VIPR2: variants seen among roughly 807,000 people sequenced by gnomAD.
The protein encoded by VIPR2 is vasoactive intestinal peptide receptor 2.
VIPR2 carries 48 observed loss-of-function variants against 58.0 expected under a neutral mutation model. That is an observed-to-expected ratio of 0.83 (90% CI 0.66 to 1.05). The LOEUF (loss-of-function observed/expected upper bound fraction) is 1.05. Among genes scored for constraint, VIPR2 ranks in the 50% least tolerant of loss-of-function variants. VIPR2 has a pLI of 0.00. For synonymous variants in VIPR2, 243 were observed against 235.2 expected, an observed-to-expected ratio of 1.03 and a Z score of -0.30; for missense variants, 534 against 558.0, an observed-to-expected ratio of 0.96 and a Z score of 0.43.
At chr7:159,101,973 G>A (rs554522026) in intron 4 of VIPR2, among the ~76,000 whole-genome samples, 47 of 143,550 alleles carry the variant, frequency 3.3e-4, no homozygotes, top group African/African-American at 1.2e-3. Context: ...AGGTGGTTCC[G>A]ACTGTTCCTG....
intron 1 of VIPR2, among the ~76,000 whole-genome samples, chr7:159,143,342 C>G (rs973655149): frequency 3.9e-5 from 6 of 152,206 alleles, no homozygotes; most frequent in Non-Finnish European, 7.3e-5. Flanking sequence ...GGGCTCCCCC[C>G]ACCCATCCTT....
chr7:159,122,160 A>G (rs1008899098), intron 2 of VIPR2, among the ~76,000 whole-genome samples: 7 of 152,254 alleles, frequency 4.6e-5, no homozygotes, highest in Non-Finnish European at 8.8e-5. Context: ...ATAGGAGGTC[A>G]AGGGACATGA....
At position 159,036,610 on chromosome 7, in the gene VIPR2, C is replaced by A. The variant is rs1222259655; in HGVS notation, c.748+142G>T. 6 of 1,098,078 alleles carry A rather than the reference C, an allele frequency of 5.5e-6. No homozygotes were observed. In the African/African-American group the frequency reaches 7.9e-5, roughly 15 times the overall value. The allele number at this position is 1,098,078 out of a possible 1,614,324, so 68.0% of individuals were successfully genotyped here. A position where few individuals can be genotyped will look rare whatever the true frequency, so the allele number is the denominator to read the frequency against. ...TGTGTTGTTTGTAGGAGCCTCCAGT[C>A]ATCCTGGAAGAGCTCTTCATGATAT... On this transcript the variant is annotated intron_variant, in intron 7 of 12. Transcript: ENST00000262178.
chr7:159,139,447 G>A (rs182594368), intron 2 of VIPR2, among the ~76,000 whole-genome samples: 2 of 152,300 alleles, frequency 1.3e-5, no homozygotes, highest in African/African-American at 4.8e-5. Flanking sequence ...CTTGTCTCTG[G>A]CCCAGCATCT....
intron 2 of VIPR2, among the ~76,000 whole-genome samples, chr7:159,114,236 T>C (rs1330843302): frequency 6.6e-6 from 1 of 151,940 alleles, no homozygotes; most frequent in African/African-American, 2.4e-5. Flanking sequence ...AGGCAGCAAG[T>C]CCTTCTGTAG....
rs141518309 is a variant in VIPR2 at position 159,085,273 on chromosome 7, C to T, written c.357+18484G>A. ...ATTGAGTCTCACTGCTCCGTTCCCACAACACGGATGAGGCGGGTGGAGGGT... is the reference window on the plus strand; with the variant it reads ...ATTGAGTCTCACTGCTCCGTTCCCATAACACGGATGAGGCGGGTGGAGGGT... On this transcript the variant is annotated intron_variant, in intron 4 of 12. Transcript: ENST00000262178. Among the ~76,000 whole-genome samples, 143 of 152,292 alleles carry T rather than the reference C, an allele frequency of 9.4e-4. 1 individual carries two copies. The highest frequency in any genetic ancestry group is 3.2e-3 in the African/African-American group (135 of 41,566).
intron 3 of VIPR2, 149 bp downstream of exon 3, chr7:159,109,663 C>A: frequency 2.8e-6 from 2 of 706,226 alleles, no homozygotes. Flanking sequence ...GACGGGCACT[C>A]ACCCCAATAT....
chr7:159,116,903 ATG>A, intron 2 of VIPR2: 2 of 167,780 alleles, frequency 1.2e-5, no homozygotes, highest in Admixed American at 5.9e-5. Context: ...GCTCTTACAG[ATG>A]ACGTTATAGG....
chr7:159,030,957 G>A (rs1431916585), intron 12 of VIPR2, among the ~76,000 whole-genome samples, 168 bp from the exon 13 acceptor site: 1 of 152,270 alleles, frequency 6.6e-6, no homozygotes, highest in African/African-American at 2.4e-5. Flanking sequence ...AGGCTGGAGG[G>A]AGCGGGAACT....
At chr7:159,126,011 A>G (rs1330783853) in intron 2 of VIPR2, among the ~76,000 whole-genome samples, 1 of 152,186 alleles carries the variant, frequency 6.6e-6, no homozygotes, top group Non-Finnish European at 1.5e-5. Flanking sequence ...TCCAGAATGA[A>G]GCTGATGAAA....
intron 2 of VIPR2, among the ~76,000 whole-genome samples, chr7:159,118,931 G>A (rs150148486): frequency 6.6e-6 from 1 of 152,312 alleles, no homozygotes; most frequent in East Asian, 1.9e-4. Flanking sequence ...CCTCCATACA[G>A]ACCACACCTT....
intron 6 of VIPR2, among the ~76,000 whole-genome samples, chr7:159,040,181 C>A (rs941759274): frequency 2.0e-5 from 3 of 152,212 alleles, no homozygotes; most frequent in Non-Finnish European, 4.4e-5. Context: ...ACAGTGTGAC[C>A]TTCAAACCTC....
At position 159,030,572 on chromosome 7, in the gene VIPR2, C is replaced by T; in HGVS notation, c.*44G>A. 6.7e-7 allele frequency: 1 copy of T among 1,493,632 alleles called. No homozygotes were observed. Among genetic ancestry groups the T allele is most frequent in the Non-Finnish European group, 8.9e-7 (1 of 1,118,246 alleles). 92.5% of individuals were successfully genotyped at this position (1,493,632 alleles called of 1,614,324 possible). The stretch of plus-strand genomic sequence containing the variant: ...CCGGCGTCTCAGCCCCGCAGAAGCC[C>T]CGAACCGTGGGCCTCCCGCCGCGTC... On this transcript the variant is annotated 3_prime_UTR_variant, in exon 13 of 13. Coordinates refer to ENST00000262178, the MANE Select transcript of VIPR2 (RefSeq NM_003382.5).
In VIPR2 at chr7:159,142,389, G is replaced by GCGCATTCC. The variant is rs1334511038; in HGVS notation, c.151+49_151+56dup. 76 of 1,328,640 alleles carry GCGCATTCC rather than the reference G, an allele frequency of 5.7e-5. 1 individual carries two copies. In the East Asian group the frequency reaches 7.2e-4, roughly 13 times the overall value. The allele number at this position is 1,328,640 out of a possible 1,614,324, so 82.3% of individuals were successfully genotyped here. A position where few individuals can be genotyped will look rare whatever the true frequency, so the allele number is the denominator to read the frequency against. On this transcript the variant is annotated intron_variant, in intron 2 of 12. Transcript: ENST00000262178. ...TGACCCTGAACCACAGCTGAGTGAG[G>GCGCATTCC]CGCATTCCCGGGTGAGAATGTCACG...
intron 4 of VIPR2, among the ~76,000 whole-genome samples, chr7:159,061,669 AAAAAG>A (rs1259256489): frequency 6.6e-6 from 1 of 152,144 alleles, no homozygotes; most frequent in African/African-American, 2.4e-5. Flanking sequence ...AAAAGTTAAA[AAAAAG>A]AAAAAAAGTG....
At chr7:159,078,654 A>G (rs554659468) in intron 4 of VIPR2, among the ~76,000 whole-genome samples, 2 of 152,334 alleles carry the variant, frequency 1.3e-5, no homozygotes, top group South Asian at 4.1e-4. Flanking sequence ...AGATCTATCC[A>G]CTGTTGAGCC....
chr7:159,065,890 C>A (rs1285203273), intron 4 of VIPR2, among the ~76,000 whole-genome samples: 2 of 152,206 alleles, frequency 1.3e-5, no homozygotes, highest in East Asian at 3.9e-4. Context: ...ATGAAAGAAG[C>A]CACACAGAGC....
At chr7:159,062,988 T>C (rs1855798915) in intron 4 of VIPR2, among the ~76,000 whole-genome samples, 1 of 152,200 alleles carries the variant, frequency 6.6e-6, no homozygotes, top group Non-Finnish European at 1.5e-5. Context: ...AATCTTGAGC[T>C]AGACACAGGG....
chr7:159,042,209 C>T (rs1429353913), intron 6 of VIPR2, among the ~76,000 whole-genome samples: 1 of 152,090 alleles, frequency 6.6e-6, no homozygotes, highest in Non-Finnish European at 1.5e-5. Flanking sequence ...GCGTGGAATG[C>T]GGGAGGAGAG....
Sources: allele counts gnomAD v4.1 joint callset (sites outside exome capture counted in the v4.1 genomes callset), GRCh38; gene constraint gnomAD v4.1.1; transcripts MANE v1.5; gene names NCBI Gene and HGNC (gene_info 2026-07-23, HGNC 2026-07-21).